Variants in PID1 observed in about 807,000 individuals in gnomAD.
PID1 encodes the protein PTB-containing, cubilin and LRP1-interacting protein.
In PID1, 10 loss-of-function variants were observed where a neutral mutation model predicts 19.1. The ratio of observed to expected loss-of-function variants is 0.52; its 90% CI spans 0.32 to 0.89. The LOEUF (loss-of-function observed/expected upper bound fraction) is 0.89, where lower values mean the gene tolerates loss of function less well. Among genes scored for constraint, PID1 ranks in the 40% least tolerant of loss-of-function variants. The probability of loss-of-function intolerance (pLI) is 0.03; values close to 1 mark genes in which losing one functional copy is unlikely to be tolerated. For synonymous variants in PID1, 130 were observed against 116.0 expected, an observed-to-expected ratio of 1.12 and a Z score of -0.78; for missense variants, 248 against 285.3, an observed-to-expected ratio of 0.87 and a Z score of 0.94.
chr2:229,254,105 T>C (rs1394154816), intron 1 of PID1, among the ~76,000 whole-genome samples: 2 of 152,200 alleles, frequency 1.3e-5, no homozygotes, highest in Middle Eastern at 3.4e-3. Context: ...ATCAATCTAG[T>C]TTGGGTCACA....
At chr2:229,214,849 T>C (rs1052730436) in intron 1 of PID1, among the ~76,000 whole-genome samples, 1 of 151,762 alleles carries the variant, frequency 6.6e-6, no homozygotes, top group Non-Finnish European at 1.5e-5. Flanking sequence ...CATTTTTATA[T>C]AGATACACAC....
chr2:229,206,765 A>G (rs1691617728), intron 1 of PID1, among the ~76,000 whole-genome samples: 1 of 152,114 alleles, frequency 6.6e-6, no homozygotes, highest in African/African-American at 2.4e-5. Context: ...CACTTCATAT[A>G]TTTGCATTGG....
intron 2 of PID1, among the ~76,000 whole-genome samples, chr2:229,109,402 G>A (rs1695248494): frequency 2.0e-5 from 3 of 152,170 alleles, no homozygotes; most frequent in Admixed American, 6.5e-5. Flanking sequence ...ACCTGTGTAT[G>A]TCAGTCACAC....
intron 1 of PID1, among the ~76,000 whole-genome samples, chr2:229,209,971 T>C (rs961841938): frequency 1.3e-5 from 2 of 152,080 alleles, no homozygotes; most frequent in Admixed American, 1.3e-4. Flanking sequence ...AACATACATG[T>C]TGAAAATCTT....
At chr2:229,066,893 T>C (rs913235640) in intron 2 of PID1, among the ~76,000 whole-genome samples, 2 of 152,196 alleles carry the variant, frequency 1.3e-5, no homozygotes, top group Non-Finnish European at 2.9e-5. Context: ...TACAGGTTTC[T>C]TCTAACTCCA....
intron 2 of PID1, among the ~76,000 whole-genome samples, chr2:229,138,980 GAAGA>G (rs1176284832): frequency 0.054 from 3,599 of 66,952 alleles, 267 homozygotes; most frequent in Admixed American, 0.072. Flanking sequence ...GAAAAAAATA[GAAGA>G]AAGAAAGAAA....
Position 229,054,730 on chromosome 2 carries a change from G to C in PID1, c.178-28622C>G, listed in dbSNP as rs1488336047. Among the ~76,000 whole-genome samples, 51 of 119,442 alleles carry C rather than the reference G, an allele frequency of 4.3e-4. 6 individuals are homozygous for C. The highest frequency in any genetic ancestry group is 3.8e-4 in the South Asian group (1 of 2,620). 78.4% of individuals were successfully genotyped at this position (119,442 alleles called of 152,430 possible). On this transcript the variant is annotated intron_variant, in intron 2 of 2. Transcript: ENST00000392055. ...TGTGTGTGTGTGTGTGGGGGGGGGG[G>C]GGGGTCTGGTTTTACTCAATTTGTA...
chr2:229,185,781 G>A (rs1691116913), intron 1 of PID1, among the ~76,000 whole-genome samples: 1 of 152,130 alleles, frequency 6.6e-6, no homozygotes, highest in Non-Finnish European at 1.5e-5. Context: ...GAGATTTTGG[G>A]TGGGGACATA....
intron 2 of PID1, among the ~76,000 whole-genome samples, chr2:229,139,131 A>AAGAAAGAG (rs1689953276): frequency 2.6e-5 from 3 of 116,402 alleles, no homozygotes; most frequent in Non-Finnish European, 3.6e-5. Flanking sequence ...GAAAGAAAGA[A>AAGAAAGAG]AGAAAGAAAG....
At chr2:229,263,599 C>G (rs1690517229) in intron 1 of PID1, among the ~76,000 whole-genome samples, 1 of 152,162 alleles carries the variant, frequency 6.6e-6, no homozygotes, top group African/African-American at 2.4e-5. Flanking sequence ...GGGGCTTCAT[C>G]TGCAGAGAAA....
chr2:229,127,866 T>C (rs932722392), intron 2 of PID1, among the ~76,000 whole-genome samples: 2 of 152,192 alleles, frequency 1.3e-5, no homozygotes, highest in Admixed American at 1.3e-4. Flanking sequence ...GGTGTTCCTA[T>C]CTGTCTGTCT....
rs77510737 is a variant in PID1, at chr2:229,061,968, A to G, written c.178-35860T>C. On this transcript the variant is annotated intron_variant, in intron 2 of 2. Coordinates refer to ENST00000392055, the MANE Select transcript of PID1 (RefSeq NM_001100818.2). ...TCCTGAAACTTTACTGAATTAATTTATCAGTTGTAACAGTTTTTTTTGGTG... is the reference window on the plus strand; with the variant it reads ...TCCTGAAACTTTACTGAATTAATTTGTCAGTTGTAACAGTTTTTTTTGGTG... 4.6e-4 allele frequency among the ~76,000 whole-genome samples: 70 copies of G among 152,084 alleles called. No individual in the cohort carries two copies. The East Asian group carries it at 0.013, about 28-fold the overall frequency.
intron 1 of PID1, among the ~76,000 whole-genome samples, chr2:229,195,793 T>C (rs191835946): frequency 2.0e-5 from 3 of 152,186 alleles, no homozygotes; most frequent in Non-Finnish European, 2.9e-5. Context: ...AGTGTTGTAA[T>C]GAACAGCCCT....
rs145148319 is a variant in PID1 at position 229,168,494 on chromosome 2, T to C, written c.31-12530A>G. Among the ~76,000 whole-genome samples the C allele has an allele frequency of 8.8e-3, 1,334 of 152,322 alleles. 17 individuals are homozygous for C. The highest frequency in any genetic ancestry group is 0.029 in the African/African-American group (1,223 of 41,592). ...CTTCATCCCTTTTACTTTGTTGTCA[T>C]TGTTTCTGCTATTGTTACTGTTTTC... On this transcript the variant is annotated intron_variant, in intron 1 of 2. Coordinates refer to ENST00000392055, the MANE Select transcript of PID1 (RefSeq NM_001100818.2).
intron 2 of PID1, among the ~76,000 whole-genome samples, chr2:229,038,035 A>C (rs146458400): frequency 1.4e-3 from 212 of 152,206 alleles, no homozygotes; most frequent in African/African-American, 4.9e-3. Context: ...GAAGGCACTA[A>C]ACATTTAGAA....
rs73998538 is a variant in PID1 at position 229,066,391 on chromosome 2, A to C, written c.178-40283T>G. Among the ~76,000 whole-genome samples the C allele has an allele frequency of 3.7e-3, 559 of 152,320 alleles. 4 individuals are homozygous for C. The highest frequency in any genetic ancestry group is 0.013 in the African/African-American group (528 of 41,576). On this transcript the variant is annotated intron_variant, in intron 2 of 2. Coordinates refer to ENST00000392055, the MANE Select transcript of PID1 (RefSeq NM_001100818.2). Reference sequence around the variant, plus strand: ...GGGATTAGAGGAGTTGAAGGAAGCCACTCAGAGGAGGTAACACATGTGTTG... The same window carrying C: ...GGGATTAGAGGAGTTGAAGGAAGCCCCTCAGAGGAGGTAACACATGTGTTG...
intron 1 of PID1, among the ~76,000 whole-genome samples, chr2:229,268,557 G>A (rs554829040): frequency 2.0e-5 from 3 of 152,260 alleles, no homozygotes; most frequent in Non-Finnish European, 4.4e-5. Context: ...TTTCCTTGAC[G>A]AATTTTCTTC....
intron 2 of PID1, among the ~76,000 whole-genome samples, chr2:229,126,498 G>A (rs899752875): frequency 7.9e-5 from 12 of 152,122 alleles, no homozygotes; most frequent in Non-Finnish European, 1.0e-4. Flanking sequence ...GCTTTTAGGA[G>A]ATAATATGTG....
At chr2:229,123,090 T>C (rs982591027) in intron 2 of PID1, among the ~76,000 whole-genome samples, 1 of 152,038 alleles carries the variant, frequency 6.6e-6, no homozygotes. Context: ...ACTTCCAGAG[T>C]TGCGTGATCA....
Sources: gnomAD v4.1 joint callset for allele counts (sites outside exome capture counted in the v4.1 genomes callset) on GRCh38, gnomAD v4.1.1 for gene constraint, MANE v1.5 for transcripts, NCBI Gene and HGNC (gene_info 2026-07-23, HGNC 2026-07-21) for gene names.